GLT8D2: variants seen among roughly 807,000 people sequenced by gnomAD.
GLT8D2 encodes the protein glycosyltransferase 8 domain-containing protein 2.
Under a neutral mutation model 44.5 loss-of-function variants are expected in GLT8D2, and 45 were observed. The observed-to-expected ratio is 1.01, with a 90% CI of 0.80 to 1.30. The LOEUF (loss-of-function observed/expected upper bound fraction) is 1.30, where lower values mean the gene tolerates loss of function less well. Among genes scored for constraint, GLT8D2 ranks in the 50% most tolerant of loss-of-function variants. The pLI is 0.00. For synonymous variants in GLT8D2, 156 were observed against 157.2 expected (o/e 0.99, Z 0.06); for missense variants, 400 against 430.4 (o/e 0.93, Z 0.62).
chr12:104,037,384 T>C (rs968958473), intron 1 of GLT8D2, among the ~76,000 whole-genome samples: 17 of 152,088 alleles, frequency 1.1e-4, no homozygotes, highest in Non-Finnish European at 1.3e-4. Flanking sequence ...AGCTGGTTTT[T>C]TGAAAAGGTC....
rs148291981 is a variant in GLT8D2, at chr12:104,033,761, AAT to A, written c.-163-12272_-163-12271del. Reference sequence around the variant, plus strand: ...ATATTAAAACATTGTACTCCTTGAAAATATATATATATGTGTGTGTGTGTGTA... The same window carrying A: ...ATATTAAAACATTGTACTCCTTGAAAATATATATATGTGTGTGTGTGTGTA... On this transcript the variant is annotated intron_variant, in intron 1 of 10. Coordinates refer to ENST00000360814, the MANE Select transcript of GLT8D2 (RefSeq NM_001384711.1). Among the ~76,000 whole-genome samples, 275 of 150,142 alleles carry A rather than the reference AAT, an allele frequency of 1.8e-3. 1 individual carries two copies. The highest frequency in any genetic ancestry group is 4.4e-3 in the African/African-American group (177 of 40,640).
intron 1 of GLT8D2, among the ~76,000 whole-genome samples, chr12:104,036,692 G>T (rs1047474959): frequency 7.9e-5 from 12 of 152,174 alleles, no homozygotes; most frequent in African/African-American, 2.9e-4. Context: ...AAGAGACTTA[G>T]ACTCCCACAC....
At chr12:104,008,022 C>T (rs1214185426) in intron 4 of GLT8D2, among the ~76,000 whole-genome samples, 13 of 152,140 alleles carry the variant, frequency 8.5e-5, no homozygotes, top group African/African-American at 3.1e-4. Flanking sequence ...CTTTTTCTTC[C>T]CAGTCTCAGG....
chr12:104,046,439 G>A (rs1881158401), intron 1 of GLT8D2, among the ~76,000 whole-genome samples: 1 of 152,186 alleles, frequency 6.6e-6, no homozygotes, highest in Non-Finnish European at 1.5e-5. Context: ...CAACTAATAA[G>A]TGGCAGAGCT....
chr12:104,015,207 A>C, intron 3 of GLT8D2, 102 bp from the exon 4 acceptor site: 3 of 788,250 alleles, frequency 3.8e-6, no homozygotes, highest in Non-Finnish European at 4.2e-6. Context: ...CATGACACAG[A>C]GGAGTGGTAT....
rs1298276713 is a variant in GLT8D2 at position 104,035,599 on chromosome 12, TGAGAA to T, written c.-163-14113_-163-14109del. Among the ~76,000 whole-genome samples, 10 of 151,746 alleles carry T rather than the reference TGAGAA, an allele frequency of 6.6e-5. No individual in the cohort carries two copies. In the East Asian group the frequency reaches 1.9e-3, roughly 29 times the overall value. On this transcript the variant is annotated intron_variant, in intron 1 of 10. Transcript: ENST00000360814. ...TGGAGATCAAATTAATGAAATAAAG[TGAGAA>T]GAGAAGTTAAAAGAAAAAAGAGTAA...
chr12:104,016,683 A>AAAAG (rs55931007), intron 3 of GLT8D2, among the ~76,000 whole-genome samples: 8,301 of 108,256 alleles, frequency 0.077, 542 homozygotes, highest in Admixed American at 0.1. Context: ...AGAGAGAAAG[A>AAAAG]AAAGAAAGAA....
At chr12:103,993,338 C>G in intron 10 of GLT8D2, 54 bp downstream of exon 10, 1 of 1,394,052 alleles carries the variant, frequency 7.2e-7, no homozygotes, top group South Asian at 1.2e-5. Context: ...CTCAAAAATA[C>G]AAAAATAAAA....
intron 1 of GLT8D2, among the ~76,000 whole-genome samples, chr12:104,055,949 G>C (rs1882150847): frequency 6.6e-6 from 1 of 152,180 alleles, no homozygotes; most frequent in Non-Finnish European, 1.5e-5. Context: ...TTCAGTTGCA[G>C]GTCATCTTCC....
At chr12:104,035,617 G>GA (rs1361759736) in intron 1 of GLT8D2, among the ~76,000 whole-genome samples, 2 of 151,998 alleles carry the variant, frequency 1.3e-5, no homozygotes, top group Non-Finnish European at 2.9e-5. Context: ...GAAGTTAAAA[G>GA]AAAAAAGAGT....
chr12:104,011,909 C>T (rs545385691), intron 4 of GLT8D2, among the ~76,000 whole-genome samples: 2 of 151,970 alleles, frequency 1.3e-5, no homozygotes, highest in African/African-American at 4.8e-5. Flanking sequence ...CAGTGGCTCA[C>T]ATCTGTAATC....
chr12:104,018,562 C>T (rs1006751651), intron 3 of GLT8D2, among the ~76,000 whole-genome samples: 2 of 152,088 alleles, frequency 1.3e-5, no homozygotes, highest in Non-Finnish European at 2.9e-5. Flanking sequence ...TACAGTTTAT[C>T]AACAGGCCCG....
At chr12:104,022,316 C>A (rs73390456) in intron 1 of GLT8D2, among the ~76,000 whole-genome samples, 3,966 of 152,014 alleles carry the variant, frequency 0.026, 77 homozygotes, top group Middle Eastern at 0.1. Context: ...GAAGGGAACA[C>A]AAATGGAAAG....
chr12:104,009,159 G>A (rs753984683), intron 4 of GLT8D2, among the ~76,000 whole-genome samples: 15 of 152,272 alleles, frequency 9.9e-5, no homozygotes, highest in South Asian at 2.1e-4. Context: ...AGCTTGCACC[G>A]TTGCTGGAAA....
intron 1 of GLT8D2, among the ~76,000 whole-genome samples, chr12:104,056,363 C>T (rs562546513): frequency 2.6e-4 from 39 of 152,336 alleles, no homozygotes; most frequent in African/African-American, 8.7e-4. Context: ...GGCCCTTGGC[C>T]TGAGTCCTCA....
At chr12:104,033,628 T>TA (rs1197677700) in intron 1 of GLT8D2, among the ~76,000 whole-genome samples, 1 of 152,160 alleles carries the variant, frequency 6.6e-6, no homozygotes, top group African/African-American at 2.4e-5. Context: ...TGAAATCTAC[T>TA]AAGAGGGTAG....
At chr12:104,021,944 A>AG (rs1877822800) in intron 1 of GLT8D2, among the ~76,000 whole-genome samples, 1 of 23,102 alleles carries the variant, frequency 4.3e-5, no homozygotes, top group Non-Finnish European at 8.9e-5. Context: ...AAGAAGAAGA[A>AG]GAAGAAGAAG....
rs772531853 is a variant in GLT8D2, at chr12:103,999,562, C to G, written c.285-48G>C. On this transcript the variant is annotated intron_variant, in intron 5 of 10. Transcript: ENST00000360814. Reference sequence around the variant, plus strand: ...CTCTAGTATACCCTTCAATTCTTTCCTCCATTTGCCTATTGCCCCAAGGTC... The same window carrying G: ...CTCTAGTATACCCTTCAATTCTTTCGTCCATTTGCCTATTGCCCCAAGGTC... 14 of 1,103,350 alleles carry G rather than the reference C, an allele frequency of 1.3e-5. No homozygotes were observed. In the South Asian group the frequency reaches 1.8e-4, roughly 14 times the overall value. 68.3% of individuals were successfully genotyped at this position (1,103,350 alleles called of 1,614,324 possible). A position where few individuals can be genotyped will look rare whatever the true frequency, so the allele number is the denominator to read the frequency against.
chr12:104,006,419 T>C (rs1326185829), intron 4 of GLT8D2, among the ~76,000 whole-genome samples: 2 of 152,130 alleles, frequency 1.3e-5, no homozygotes, highest in African/African-American at 4.8e-5. Flanking sequence ...CTGAAATCAG[T>C]TGGAACCAAT....
Sources: gnomAD v4.1 joint callset for allele counts (sites outside exome capture counted in the v4.1 genomes callset) on GRCh38, gnomAD v4.1.1 for gene constraint, MANE v1.5 for transcripts, NCBI Gene and HGNC (gene_info 2026-07-23, HGNC 2026-07-21) for gene names.